The following TTC17 variants were observed in gnomAD, a reference collection of about 807,000 sequenced individuals.
TTC17 encodes the protein tetratricopeptide repeat domain 17, also known as tetratricopeptide repeat protein 17.
A neutral mutation model predicts 143.8 loss-of-function variants in TTC17; 58 were observed. That is an observed-to-expected ratio of 0.40 (90% CI 0.33 to 0.50). The LOEUF (loss-of-function observed/expected upper bound fraction) is 0.50. TTC17 is among the 20% of genes least tolerant of loss of function. TTC17 has a pLI of 0.49. For missense variants in TTC17, 1,273 were observed against 1,392.5 expected (o/e 0.91, Z 1.37); for synonymous variants, 501 against 497.8 (o/e 1.01, Z -0.09).
intron 16 of TTC17, chr11:43,435,096 TAGATAGA>T (rs2134696741): frequency 6.6e-6 from 1 of 151,694 alleles, no homozygotes; most frequent in African/African-American, 2.4e-5. Flanking sequence ...GATAGATAGA[TAGATAGA>T]TAGATAGATA....
In TTC17 at chr11:43,407,475, A is replaced by C. The variant is rs746872983; in HGVS notation, c.1962A>C (p.Gln654His). 1 of 1,614,028 alleles carries C rather than the reference A, an allele frequency of 6.2e-7. No individual in the cohort carries two copies. ...TGAATTTAGCTCCACTTCAATACCAAGATGTTCCTCTTGTCAACTTGGCCA... is the reference window on the plus strand; with the variant it reads ...TGAATTTAGCTCCACTTCAATACCACGATGTTCCTCTTGTCAACTTGGCCA... ...RALNLAPLQY[Q>H]DVPLVNLANL... Residue 654 changes from glutamine to histidine, a missense_variant, in exon 15 of 24, where the codon CAA becomes CAC. Transcript: ENST00000039989.
At chr11:43,455,359 T>A (rs1947743489) in intron 21 of TTC17, among the ~76,000 whole-genome samples, 1 of 151,550 alleles carries the variant, frequency 6.6e-6, no homozygotes, top group Admixed American at 6.6e-5. Context: ...GCAAAAGAAT[T>A]AACAAAGAAA....
intron 21 of TTC17, among the ~76,000 whole-genome samples, chr11:43,456,076 G>A (rs919826223): frequency 6.6e-6 from 1 of 151,812 alleles, no homozygotes; most frequent in African/African-American, 2.4e-5. Flanking sequence ...TTGATAGAGG[G>A]GAAAAAATCA....
chr11:43,405,161 T>C (rs773130044), intron 11 of TTC17, among the ~76,000 whole-genome samples: 17 of 151,962 alleles, frequency 1.1e-4, no homozygotes, highest in Non-Finnish European at 5.9e-5. Context: ...CTTGGTTTTT[T>C]TCATGGTCAT....
intron 21 of TTC17, among the ~76,000 whole-genome samples, chr11:43,453,863 T>A (rs1947711928): frequency 6.6e-6 from 1 of 152,212 alleles, no homozygotes; most frequent in East Asian, 1.9e-4. Flanking sequence ...TAGCCTTTTT[T>A]AAATGTGTTC....
chr11:43,377,973 A>G (rs1057267118), intron 1 of TTC17, among the ~76,000 whole-genome samples: 2 of 152,082 alleles, frequency 1.3e-5, no homozygotes, highest in African/African-American at 4.8e-5. Flanking sequence ...GCGCAATCTC[A>G]GGTCACTGTA....
intron 21 of TTC17, among the ~76,000 whole-genome samples, chr11:43,477,785 A>G (rs540444035): frequency 6.6e-6 from 1 of 152,332 alleles, no homozygotes; most frequent in South Asian, 2.1e-4. Flanking sequence ...AATTAAAAGT[A>G]AAAAGCATGT....
chr11:43,415,151 C>G (rs1277326999), intron 16 of TTC17, among the ~76,000 whole-genome samples: 9 of 151,974 alleles, frequency 5.9e-5, no homozygotes, highest in African/African-American at 2.4e-5. Flanking sequence ...TGAAGCAGTT[C>G]TTCTATATAC....
At chr11:43,435,671 T>C (rs909356800) in intron 16 of TTC17, among the ~76,000 whole-genome samples, 3 of 152,254 alleles carry the variant, frequency 2.0e-5, no homozygotes, top group African/African-American at 7.2e-5. Flanking sequence ...CTTTCTGCCA[T>C]CATCCCCCTT....
Position 43,407,411 on chromosome 11 carries a change from G to A in TTC17, c.1898G>A (p.Gly633Glu), listed in dbSNP as rs753116923. The A allele has an allele frequency of 1.2e-6, 2 of 1,613,950 alleles. No individual in the cohort carries two copies. The highest frequency in any genetic ancestry group is 4.5e-5 in the East Asian group (2 of 44,854). ...NEAGLYWRAV[G>E]NSTFAIACLQ... is the part of the protein sequence containing the mutation. Reference sequence around the variant, plus strand: ...GCTGGACTATACTGGAGAGCAGTAGGAAATAGCACTTTTGCTATTGCCTGT... The same window carrying A: ...GCTGGACTATACTGGAGAGCAGTAGAAAATAGCACTTTTGCTATTGCCTGT... Residue 633 changes from glycine (G) to glutamate (E), a missense_variant, in exon 15 of 24, where the codon GGA becomes GAA. By Grantham distance (98) the Gly-to-Glu change is moderately conservative (BLOSUM62 -2). Coordinates refer to ENST00000039989, the MANE Select transcript of TTC17 (RefSeq NM_018259.6).
intron 16 of TTC17, among the ~76,000 whole-genome samples, chr11:43,438,776 A>G (rs1947348480): frequency 6.6e-6 from 1 of 152,118 alleles, no homozygotes; most frequent in African/African-American, 2.4e-5. Context: ...AACTCCTTGA[A>G]ACTTCTCTTC....
chr11:43,438,042 T>A (rs1947330725), intron 16 of TTC17, among the ~76,000 whole-genome samples: 1 of 152,260 alleles, frequency 6.6e-6, no homozygotes, highest in South Asian at 2.1e-4. Context: ...TGAAATTTTA[T>A]GTCATTGTTT....
At chr11:43,374,663 A>T (rs115003977) in intron 1 of TTC17, among the ~76,000 whole-genome samples, 1 of 152,046 alleles carries the variant, frequency 6.6e-6, no homozygotes, top group Non-Finnish European at 1.5e-5. Flanking sequence ...AAAATGCTCA[A>T]CATCACTAAT....
chr11:43,447,226 G>T lies in TTC17; in HGVS notation c.2666-776G>T, dbSNP rs1382016209. On this transcript the variant is annotated intron_variant, in intron 18 of 23. Coordinates refer to ENST00000039989, the MANE Select transcript of TTC17 (RefSeq NM_018259.6). ...AAATGGAAAAAACTTAACCACATGAGGTTAAAAAAAGAAAAATGGAAAAAA... is the reference window on the plus strand; with the variant it reads ...AAATGGAAAAAACTTAACCACATGATGTTAAAAAAAGAAAAATGGAAAAAA... Among the ~76,000 whole-genome samples, 4 of 151,858 alleles carry T rather than the reference G, an allele frequency of 2.6e-5. 1 individual carries two copies. The East Asian group carries it at 7.7e-4, about 29-fold the overall frequency.
At chr11:43,397,010 A>G in intron 6 of TTC17, 192 bp downstream of exon 6, 1 of 478,324 alleles carries the variant, frequency 2.1e-6, no homozygotes, top group Non-Finnish European at 3.7e-6. Flanking sequence ...ATAATTGTGT[A>G]ATATACTTTC....
chr11:43,359,888 TC>T (rs1356583585), intron 1 of TTC17, among the ~76,000 whole-genome samples: 6 of 152,224 alleles, frequency 3.9e-5, no homozygotes, highest in African/African-American at 9.7e-5. Context: ...AGACTGCTTT[TC>T]TTATATAACT....
intron 16 of TTC17, among the ~76,000 whole-genome samples, chr11:43,435,673 A>T (rs1230623937): frequency 2.0e-5 from 3 of 152,194 alleles, no homozygotes; most frequent in African/African-American, 7.2e-5. Flanking sequence ...TTCTGCCATC[A>T]TCCCCCTTTA....
At chr11:43,367,827 A>G (rs976076220) in intron 1 of TTC17, among the ~76,000 whole-genome samples, 4 of 151,762 alleles carry the variant, frequency 2.6e-5, no homozygotes, top group Non-Finnish European at 5.9e-5. Flanking sequence ...AGCCCCCTCC[A>G]ATTCATCCTT....
intron 16 of TTC17, among the ~76,000 whole-genome samples, chr11:43,437,070 G>A (rs547658742): frequency 6.6e-6 from 1 of 151,614 alleles, no homozygotes; most frequent in African/African-American, 2.4e-5. Context: ...CTATATTTCA[G>A]CTAAGACATT....
Sources: gnomAD v4.1 joint callset for allele counts (sites outside exome capture counted in the v4.1 genomes callset) on GRCh38, gnomAD v4.1.1 for gene constraint, MANE v1.5 for transcripts, NCBI Gene and HGNC (gene_info 2026-07-23, HGNC 2026-07-21) for gene names.